Variants in NDEL1 observed in about 807,000 individuals in gnomAD.
NDEL1 encodes the protein nuclear distribution protein nudE-like 1.
In NDEL1, 9 loss-of-function variants were observed where a neutral mutation model predicts 45.7. The observed-to-expected ratio is 0.20, with a 90% confidence interval of 0.12 to 0.34. The LOEUF is 0.34. NDEL1 is among the 10% of genes least tolerant of loss of function. NDEL1 has a pLI of 1.00. For synonymous variants in NDEL1, 133 were observed against 158.6 expected (o/e 0.84, Z 1.21); for missense variants, 306 against 406.2 (o/e 0.75, Z 2.12).
intron 2 of NDEL1, 97 bp from the exon 3 acceptor site, chr17:8,445,614 A>G: frequency 1.5e-6 from 2 of 1,333,904 alleles, no homozygotes; most frequent in Non-Finnish European, 1.0e-6. Context: ...GAGCATTAGC[A>G]TTCAAGCAAA....
At chr17:8,416,801 A>G (rs1448985056) in intron 1 of NDEL1, among the ~76,000 whole-genome samples, 3 of 152,108 alleles carry the variant, frequency 2.0e-5, no homozygotes, top group Admixed American at 6.5e-5. Context: ...TTTGAATATT[A>G]GACTTTGGGG....
chr17:8,444,034 TTGTA>T, intron 1 of NDEL1: 1 of 363,132 alleles, frequency 2.8e-6, no homozygotes, highest in South Asian at 4.6e-5. Flanking sequence ...TCCTGTCGCT[TTGTA>T]TCAAAGGACC....
At chr17:8,433,997 T>C (rs1909084551), upstream of NDEL1, among the ~76,000 whole-genome samples, 1 of 152,226 alleles carries the variant, frequency 6.6e-6, no homozygotes, top group Non-Finnish European at 1.5e-5. Context: ...TTCCTGTTTA[T>C]GTCCATCGCC....
intron 1 of NDEL1, among the ~76,000 whole-genome samples, chr17:8,430,771 A>T (rs1908980951): frequency 6.6e-6 from 1 of 152,116 alleles, no homozygotes; most frequent in African/African-American, 2.4e-5. Flanking sequence ...TGGTTTTATA[A>T]CTTCTGTTCC....
In NDEL1 at chr17:8,436,005, C is replaced by T. The variant is rs1909303430; in HGVS notation, c.-53C>T. 3 of 447,302 alleles carry T rather than the reference C, an allele frequency of 6.7e-6. No homozygotes were observed. Among genetic ancestry groups the T allele is most frequent in the Middle Eastern group, 3.4e-4 (1 of 2,966 alleles). The allele number at this position is 447,302 out of a possible 1,614,324, so 27.7% of individuals were successfully genotyped here. A position where few individuals can be genotyped will look rare whatever the true frequency, so the allele number is the denominator to read the frequency against. The stretch of plus-strand genomic sequence containing the variant: ...GGCCGGGCCGGCGGAGGGGAGACGT[C>T]GGTTGAGCGGCGGCGAACATGCGCT... On this transcript the variant is annotated 5_prime_UTR_variant, in exon 1 of 9. Coordinates refer to ENST00000334527, the MANE Select transcript of NDEL1 (RefSeq NM_030808.5).
intron 3 of NDEL1, 117 bp downstream of exon 3, chr17:8,445,981 A>G (rs1910056111): frequency 1.9e-6 from 2 of 1,069,042 alleles, no homozygotes; most frequent in East Asian, 3.0e-5. Context: ...AAAAACGCTT[A>G]AAGTGAATTT....
At chr17:8,454,982 C>T (rs577593879) in intron 7 of NDEL1, 95 bp downstream of exon 7, 2 of 1,209,800 alleles carry the variant, frequency 1.7e-6, no homozygotes, top group African/African-American at 1.5e-5. Flanking sequence ...GGATACTTTC[C>T]TGTGGTAAAG....
intron 8 of NDEL1, chr17:8,461,023 C>G (rs1419550000): frequency 6.6e-6 from 1 of 152,136 alleles, no homozygotes; most frequent in Non-Finnish European, 1.5e-5. Context: ...CTGGGATGCT[C>G]ACGGTGTTGC....
intron 5 of NDEL1, among the ~76,000 whole-genome samples, chr17:8,448,906 G>A (rs933230802): frequency 3.9e-5 from 6 of 152,290 alleles, no homozygotes; most frequent in Admixed American, 2.0e-4. Context: ...GGGGGTCCTG[G>A]AACCAATCCC....
intron 1 of NDEL1, among the ~76,000 whole-genome samples, chr17:8,426,830 TA>T (rs1373305999): frequency 6.6e-6 from 1 of 152,186 alleles, no homozygotes; most frequent in Non-Finnish European, 1.5e-5. Context: ...AACCTCAGTT[TA>T]CCCCCCAGAT....
intron 1 of NDEL1, among the ~76,000 whole-genome samples, chr17:8,413,705 T>G (rs1451209018): frequency 6.6e-6 from 1 of 152,218 alleles, no homozygotes; most frequent in Non-Finnish European, 1.5e-5. Flanking sequence ...GGACCTTGAC[T>G]TCACTGCTCA....
intron 6 of NDEL1, among the ~76,000 whole-genome samples, chr17:8,451,828 T>C (rs562337693): frequency 3.9e-5 from 6 of 152,156 alleles, no homozygotes; most frequent in Non-Finnish European, 8.8e-5. Context: ...TTTTAAAATA[T>C]AGGGTTTTAT....
chr17:8,414,429 A>G (rs906349457), intron 1 of NDEL1, among the ~76,000 whole-genome samples: 1 of 152,150 alleles, frequency 6.6e-6, no homozygotes, highest in Non-Finnish European at 1.5e-5. Context: ...GCACTTTGGG[A>G]GGCCAAGGCT....
chr17:8,455,034 C>T (rs1597548823), intron 7 of NDEL1, 147 bp downstream of exon 7: 4 of 736,468 alleles, frequency 5.4e-6, no homozygotes. Context: ...ATTGACTAGC[C>T]AAGTCCAGAT....
intron 1 of NDEL1, among the ~76,000 whole-genome samples, chr17:8,443,131 A>T (rs1188265331): frequency 6.6e-6 from 1 of 152,214 alleles, no homozygotes; most frequent in African/African-American, 2.4e-5. Context: ...AGTATGGAAT[A>T]GGTTGAATCA....
upstream of NDEL1, among the ~76,000 whole-genome samples, chr17:8,434,571 AT>A (rs1351758714): frequency 6.6e-6 from 1 of 152,080 alleles, no homozygotes; most frequent in African/African-American, 2.4e-5. Flanking sequence ...TACCTTGTAC[AT>A]TATACAGCAA....
In NDEL1 at chr17:8,467,236, A is replaced by G; in HGVS notation, c.*213A>G. On this transcript the variant is annotated 3_prime_UTR_variant, in exon 9 of 9. Coordinates refer to ENST00000334527, the MANE Select transcript of NDEL1 (RefSeq NM_030808.5). The surrounding 1 kb of genome is among the most constrained non-coding windows in gnomAD (Gnocchi z 6.3). Reference sequence around the variant, plus strand: ...ACTGGCTATTTTCTCTTCTCGCCGTAGTGCCGTTGGTTTCACATGATTGCA... The same window carrying G: ...ACTGGCTATTTTCTCTTCTCGCCGTGGTGCCGTTGGTTTCACATGATTGCA... 1 of 593,822 alleles carries G rather than the reference A, an allele frequency of 1.7e-6. No individual in the cohort carries two copies. Among genetic ancestry groups the G allele is most frequent in the Non-Finnish European group, 3.0e-6 (1 of 334,622 alleles). 36.8% of individuals were successfully genotyped at this position (593,822 alleles called of 1,614,324 possible).
At chr17:8,452,740 C>CTTTTTTTTTTTTTTTTTTTTTTCTT in intron 6 of NDEL1, among the ~76,000 whole-genome samples, 23 of 95,622 alleles carry the variant, frequency 2.4e-4, no homozygotes, top group Non-Finnish European at 3.6e-4. Flanking sequence ...TTTTTCTTCT[C>CTTTTTTTTTTTTTTTTTTTTTTCTT]TTTTTTTTTT....
At position 8,446,746 on chromosome 17, in the gene NDEL1, G is replaced by A; in HGVS notation, c.241-8G>A. The A allele has an allele frequency of 6.2e-7, 1 of 1,611,916 alleles. No homozygotes were observed. Among genetic ancestry groups the A allele is most frequent in the Non-Finnish European group, 8.5e-7 (1 of 1,178,826 alleles). Reference sequence around the variant, plus strand: ...ATGACATGTACTTTCCTATACTGATGCCCTCAGGAGAAGCTAGAGCATCAA... The same window carrying A: ...ATGACATGTACTTTCCTATACTGATACCCTCAGGAGAAGCTAGAGCATCAA... On this transcript the variant is annotated splice_polypyrimidine_tract_variant and splice_region_variant and intron_variant, in intron 3 of 8. Coordinates refer to ENST00000334527, the MANE Select transcript of NDEL1 (RefSeq NM_030808.5).
Sources: gnomAD v4.1 joint callset for allele counts (sites outside exome capture counted in the v4.1 genomes callset) on GRCh38, gnomAD v4.1.1 for gene constraint, Gnocchi (gnomAD v3.1) non-coding constraint, MANE v1.5 for transcripts, NCBI Gene and HGNC (gene_info 2026-07-23, HGNC 2026-07-21) for gene names.